The following SRFBP1 variants were observed in gnomAD, a reference collection of about 807,000 sequenced individuals.
SRFBP1 encodes serum response factor binding protein 1, also known as serum response factor-binding protein 1.
A neutral mutation model predicts 45.5 loss-of-function variants in SRFBP1; 47 were observed. That is an observed-to-expected ratio of 1.03 (90% CI 0.82 to 1.32). SRFBP1 has a LOEUF of 1.32. Ranked by LOEUF, SRFBP1 falls within the 40% of genes most tolerant of loss-of-function variation. The probability of loss-of-function intolerance (pLI) is 0.00; values close to 1 mark genes in which losing one functional copy is unlikely to be tolerated. For missense variants in SRFBP1, 621 were observed against 484.6 expected, an observed-to-expected ratio of 1.28 and a Z score of -2.64; for synonymous variants, 203 against 166.3, an observed-to-expected ratio of 1.22 and a Z score of -1.70.
At chr5:122,016,929 G>A (rs1357193228) in intron 4 of SRFBP1, among the ~76,000 whole-genome samples, 2 of 152,030 alleles carry the variant, frequency 1.3e-5, no homozygotes, top group Non-Finnish European at 2.9e-5. Context: ...CAAATTGAGT[G>A]GTTTAAAACT....
intron 3 of SRFBP1, among the ~76,000 whole-genome samples, chr5:121,981,654 C>T (rs1384720614): frequency 6.6e-6 from 1 of 151,360 alleles, no homozygotes; most frequent in Non-Finnish European, 1.5e-5. Flanking sequence ...GCACATCTCT[C>T]CCACCTGAAT....
intron 3 of SRFBP1, among the ~76,000 whole-genome samples, chr5:121,987,253 C>T (rs1033857380): frequency 6.6e-6 from 1 of 152,068 alleles, no homozygotes; most frequent in African/African-American, 2.4e-5. Context: ...AGTGAAGGGA[C>T]TCCCAGTATC....
intron 2 of SRFBP1, among the ~76,000 whole-genome samples, chr5:122,044,631 C>T (rs1417688280): frequency 3.3e-5 from 5 of 151,764 alleles, no homozygotes; most frequent in Admixed American, 3.3e-4. Flanking sequence ...TTTTCATATG[C>T]TTGTTGGCTG....
intron 3 of SRFBP1, among the ~76,000 whole-genome samples, chr5:121,983,839 G>T (rs752558447): frequency 6.6e-6 from 1 of 151,712 alleles, no homozygotes; most frequent in East Asian, 1.9e-4. Context: ...AAATTTCTTA[G>T]TAGTAAACTT....
intron 2 of SRFBP1, chr5:122,070,633 C>A: frequency 9.8e-7 from 1 of 1,018,742 alleles, no homozygotes; most frequent in South Asian, 1.4e-5. Flanking sequence ...GGTATGTGGT[C>A]AGACTATGAT....
intron 2 of SRFBP1, among the ~76,000 whole-genome samples, chr5:122,042,664 T>C (rs1430303642): frequency 6.6e-6 from 1 of 152,224 alleles, no homozygotes; most frequent in East Asian, 1.9e-4. Flanking sequence ...ACAATTTTCC[T>C]AAGGAAGGTA....
intron 2 of SRFBP1, among the ~76,000 whole-genome samples, chr5:122,042,483 C>T (rs961581329): frequency 6.6e-6 from 1 of 152,094 alleles, no homozygotes; most frequent in Non-Finnish European, 1.5e-5. Context: ...GAACCCTGAG[C>T]TCAACTGATC....
Position 122,053,169 on chromosome 5 carries a change from AG to A in SRFBP1, n.312-22143del, listed in dbSNP as rs529864409. Among the ~76,000 whole-genome samples, 3 of 152,176 alleles carry A rather than the reference AG, an allele frequency of 2.0e-5. No individual in the cohort carries two copies. The East Asian group carries it at 5.8e-4, about 29-fold the overall frequency. Reference sequence around the variant, plus strand: ...GTTCCTGTGCTTCCTGGGAAAACACAGGGTTGCGCCTGGTCACAGAGTTCAG... The same window carrying A: ...GTTCCTGTGCTTCCTGGGAAAACACAGGTTGCGCCTGGTCACAGAGTTCAG... On this transcript the variant is annotated intron_variant and non_coding_transcript_variant, in intron 2 of 2. Coordinates refer to the SRFBP1 transcript ENST00000504881.
intron 2 of SRFBP1, chr5:122,070,461 A>T: frequency 8.2e-7 from 1 of 1,217,786 alleles, no homozygotes; most frequent in East Asian, 2.3e-5. Context: ...GATCTGCAAT[A>T]TCAATATATG....
intron 2 of SRFBP1, among the ~76,000 whole-genome samples, chr5:122,056,235 T>A (rs1377031015): frequency 6.6e-6 from 1 of 152,154 alleles, no homozygotes; most frequent in African/African-American, 2.4e-5. Flanking sequence ...GTCTGGCAAT[T>A]TGGGGCTGAT....
intron 3 of SRFBP1, among the ~76,000 whole-genome samples, chr5:121,991,533 T>A (rs777311152): frequency 2.6e-5 from 4 of 152,164 alleles, no homozygotes; most frequent in Non-Finnish European, 4.4e-5. Flanking sequence ...GGAACACTAA[T>A]ATTTAAGGTG....
downstream of SRFBP1, chr5:122,077,826 C>A: frequency 6.4e-7 from 1 of 1,552,222 alleles, no homozygotes. The surrounding 1 kb of genome is among the most constrained non-coding windows in gnomAD (Gnocchi z 4.9). Context: ...AAGCTGAACA[C>A]CTGCCCGTTG....
intron 3 of SRFBP1, among the ~76,000 whole-genome samples, chr5:121,992,986 C>T (rs747955194): frequency 2.0e-5 from 3 of 151,996 alleles, no homozygotes; most frequent in East Asian, 1.9e-4. Context: ...TGTCTTCTAC[C>T]GACATCTGTG....
At chr5:122,051,418 T>G (rs116260654) in intron 2 of SRFBP1, among the ~76,000 whole-genome samples, 1 of 152,284 alleles carries the variant, frequency 6.6e-6, no homozygotes, top group African/African-American at 2.4e-5. Context: ...AGAACTTGCT[T>G]CATGAGTCTG....
rs144428376 is a variant in SRFBP1 at position 122,058,932 on chromosome 5, G to A, written n.312-16383G>A. On this transcript the variant is annotated intron_variant and non_coding_transcript_variant, in intron 2 of 2. Coordinates refer to the SRFBP1 transcript ENST00000504881. ...GGATGAAGATCTGAAATATTCTGAT[G>A]GGGAAAATCCAATTCTTAGATTTTT... Among the ~76,000 whole-genome samples the A allele has an allele frequency of 9.6e-3, 1,458 of 152,116 alleles. 27 individuals carry two copies. The highest frequency in any genetic ancestry group is 0.033 in the African/African-American group (1,363 of 41,488).
intron 4 of SRFBP1, among the ~76,000 whole-genome samples, chr5:121,997,376 C>G (rs1008309064): frequency 9.3e-5 from 14 of 151,348 alleles, no homozygotes; most frequent in African/African-American, 3.4e-4. Flanking sequence ...CTATAACTGT[C>G]TGATCTTTGA....
downstream of SRFBP1, among the ~76,000 whole-genome samples, chr5:122,031,936 A>G (rs948745658): frequency 1.5e-4 from 23 of 152,224 alleles, no homozygotes; most frequent in Non-Finnish European, 2.9e-4. Flanking sequence ...ATCCATAGAG[A>G]CTGAAAATAC....
intron 2 of SRFBP1, among the ~76,000 whole-genome samples, chr5:122,033,948 T>C (rs1272324096): frequency 6.7e-6 from 1 of 148,682 alleles, no homozygotes; most frequent in Non-Finnish European, 1.5e-5. Context: ...CTCAGCCTCC[T>C]GGGTAGCTGG....
At position 121,991,321 on chromosome 5, in the gene SRFBP1, A is replaced by AT. The variant is rs1238460816; in HGVS notation, c.199-3277dup. Among the ~76,000 whole-genome samples, 5 of 152,240 alleles carry AT rather than the reference A, an allele frequency of 3.3e-5. No homozygotes were observed. In the South Asian group the frequency reaches 6.2e-4, roughly 19 times the overall value. ...CACTATTAAATTCAGTCCTACAGTG[A>AT]TAAAAAAAAAGTTGTTTAAAATTCT... On this transcript the variant is annotated intron_variant, in intron 3 of 7. Transcript: ENST00000339397.
Sources: gnomAD v4.1 joint callset for allele counts (sites outside exome capture counted in the v4.1 genomes callset) on GRCh38, gnomAD v4.1.1 for gene constraint, Gnocchi (gnomAD v3.1) non-coding constraint, MANE v1.5 for transcripts, NCBI Gene and HGNC (gene_info 2026-07-23, HGNC 2026-07-21) for gene names.